Variants in HNMT observed in about 807,000 individuals in gnomAD.
The protein encoded by HNMT is histamine N-methyltransferase.
HNMT carries 30 observed loss-of-function variants against 32.1 expected under a neutral mutation model. That is an observed-to-expected ratio of 0.93 (90% CI 0.70 to 1.27). The LOEUF is 1.27. HNMT is among the 50% of genes most tolerant of loss of function. HNMT has a pLI of 0.00. For missense variants in HNMT, 327 were observed against 346.0 expected, an observed-to-expected ratio of 0.95 and a Z score of 0.43; for synonymous variants, 125 against 119.0, an observed-to-expected ratio of 1.05 and a Z score of -0.33.
intron 4 of HNMT, chr2:138,002,841 A>C: frequency 1.1e-6 from 1 of 891,860 alleles, no homozygotes; most frequent in Non-Finnish European, 1.3e-6. Flanking sequence ...GTTTGGGTGG[A>C]CCAATGTCCC....
intron 2 of HNMT, among the ~76,000 whole-genome samples, chr2:137,998,787 G>T (rs1253623744): frequency 6.6e-6 from 1 of 152,078 alleles, no homozygotes; most frequent in African/African-American, 2.4e-5. Flanking sequence ...AAGCCCTGAG[G>T]GGATATAATT....
At chr2:138,003,687 G>A (rs1681249868) in intron 4 of HNMT, among the ~76,000 whole-genome samples, 1 of 151,972 alleles carries the variant, frequency 6.6e-6, no homozygotes, top group Non-Finnish European at 1.5e-5. Context: ...TTCGTTCTGA[G>A]CCAATGACCT....
intron 5 of HNMT, among the ~76,000 whole-genome samples, 178 bp downstream of exon 5, chr2:138,005,403 T>G (rs1178373841): frequency 1.3e-5 from 2 of 152,086 alleles, no homozygotes; most frequent in Non-Finnish European, 2.9e-5. Context: ...CAGTTCTCAA[T>G]TTAGAAGGTA....
At chr2:137,968,346 A>C (rs566104384) in intron 1 of HNMT, among the ~76,000 whole-genome samples, 6 of 152,362 alleles carry the variant, frequency 3.9e-5, no homozygotes, top group African/African-American at 1.2e-4. Context: ...AGGAATTTCA[A>C]GGATTCAAAG....
chr2:138,000,131 G>C (rs1681115395), intron 2 of HNMT, among the ~76,000 whole-genome samples: 1 of 152,080 alleles, frequency 6.6e-6, no homozygotes, highest in Admixed American at 6.6e-5. Flanking sequence ...ACTGCTAGTA[G>C]TTCCAAATAT....
At chr2:137,996,895 A>G (rs766718007) in intron 2 of HNMT, among the ~76,000 whole-genome samples, 27 of 152,182 alleles carry the variant, frequency 1.8e-4, no homozygotes, top group Non-Finnish European at 3.7e-4. Context: ...GATCTTCAAC[A>G]AACCTGACAA....
chr2:138,005,227 T>G lies in HNMT; in HGVS notation c.523+2T>G, dbSNP rs780363792. On this transcript the variant is annotated splice_donor_variant, in intron 5 of 5. Transcript: ENST00000280097. LOFTEE classifies it high-confidence loss of function. ...AGATGCTCATTATTGTTGTGTCAGG[T>G]AAGTTATTTTCATTCAGCCTGAATT... 1 of 1,526,378 alleles carries G rather than the reference T, an allele frequency of 6.6e-7. No homozygotes were observed. Among genetic ancestry groups the G allele is most frequent in the Non-Finnish European group, 9.1e-7 (1 of 1,101,684 alleles). The allele number at this position is 1,526,378 out of a possible 1,614,324, so 94.6% of individuals were successfully genotyped here. A position where few individuals can be genotyped will look rare whatever the true frequency, so the allele number is the denominator to read the frequency against.
At chr2:137,992,104 C>T (rs1368229013) in intron 2 of HNMT, among the ~76,000 whole-genome samples, 1 of 152,172 alleles carries the variant, frequency 6.6e-6, no homozygotes, top group Non-Finnish European at 1.5e-5. Flanking sequence ...AGATCCCACT[C>T]GTGAACCCAC....
At chr2:137,979,964 C>T (rs1680437327) in intron 2 of HNMT, among the ~76,000 whole-genome samples, 2 of 152,070 alleles carry the variant, frequency 1.3e-5, no homozygotes, top group African/African-American at 2.4e-5. Context: ...ACAGCTGAAG[C>T]CCAAAGCACT....
At chr2:138,001,925 G>A in intron 3 of HNMT, 139 bp from the exon 4 acceptor site, 1 of 534,198 alleles carries the variant, frequency 1.9e-6, no homozygotes, top group Non-Finnish European at 3.1e-6. Context: ...TGAACTCTCT[G>A]GTCTCCCAGA....
Position 138,005,216 on chromosome 2 carries a change from G to A in HNMT, c.514G>A (p.Val172Ile), listed in dbSNP as rs758469686. The A allele has an allele frequency of 1.9e-6, 3 of 1,566,860 alleles. No homozygotes were observed. Among genetic ancestry groups the A allele is most frequent in the Non-Finnish European group, 1.8e-6 (2 of 1,138,458 alleles). The change falls in exon 5 of 6, where the codon GTT becomes ATT. Residue 172 changes from valine (V) to isoleucine (I), a missense_variant. Physicochemically the swap from Val to Ile is conservative, Grantham distance 29. Transcript: ENST00000280097. ...LGTNAKMLIIVVSGSSGWDKL... is the reference protein window; with the variant it reads ...LGTNAKMLIIIVSGSSGWDKL... ...TACCAATGCTAAGATGCTCATTATT[G>A]TTGTGTCAGGTAAGTTATTTTCATT...
intron 1 of HNMT, among the ~76,000 whole-genome samples, chr2:137,966,530 A>G (rs2104918600): frequency 6.6e-6 from 1 of 152,282 alleles, no homozygotes; most frequent in East Asian, 1.9e-4. Flanking sequence ...GCCTATGTAC[A>G]TATTCTTAAT....
intron 2 of HNMT, among the ~76,000 whole-genome samples, chr2:137,996,249 C>T (rs990240426): frequency 6.6e-6 from 1 of 152,184 alleles, no homozygotes; most frequent in South Asian, 2.1e-4. Context: ...TTGTAGACAA[C>T]ATGATTGTAT....
intron 5 of HNMT, 66 bp downstream of exon 5, chr2:138,005,291 G>A (rs1681298251): frequency 1.1e-6 from 1 of 870,904 alleles, no homozygotes; most frequent in South Asian, 1.4e-5. Context: ...GGATTCCTGT[G>A]TTTGAAAGAA....
At chr2:138,007,503 A>G (rs568037593) in intron 5 of HNMT, among the ~76,000 whole-genome samples, 2 of 152,100 alleles carry the variant, frequency 1.3e-5, no homozygotes, top group African/African-American at 4.8e-5. Flanking sequence ...TGTCATACTT[A>G]ACTCTTAAAG....
chr2:137,996,771 A>G (rs1681009952), intron 2 of HNMT, among the ~76,000 whole-genome samples: 1 of 152,260 alleles, frequency 6.6e-6, no homozygotes, highest in East Asian at 1.9e-4. Flanking sequence ...ACTTCAAACT[A>G]TACTAAAAGT....
chr2:137,969,066 C>T (rs1299449900), intron 1 of HNMT, among the ~76,000 whole-genome samples: 1 of 152,200 alleles, frequency 6.6e-6, no homozygotes, highest in Non-Finnish European at 1.5e-5. Flanking sequence ...TTACTAAAGA[C>T]ACTCGTATTG....
intron 1 of HNMT, among the ~76,000 whole-genome samples, chr2:137,968,778 C>T (rs1323635994): frequency 6.6e-6 from 1 of 152,136 alleles, no homozygotes; most frequent in Admixed American, 6.5e-5. Flanking sequence ...CTAGACTTTG[C>T]AAGATTCCTT....
Position 137,978,839 on chromosome 2 carries a change from AG to A in HNMT, c.190+8623del, listed in dbSNP as rs573835329. ...ATAATACTTTATAATTATGTAATATAGTATAATTATATAATTTAGTATTATA... is the reference window on the plus strand; with the variant it reads ...ATAATACTTTATAATTATGTAATATATATAATTATATAATTTAGTATTATA... On this transcript the variant is annotated intron_variant, in intron 2 of 5. Transcript: ENST00000280097. Among the ~76,000 whole-genome samples, 741 of 139,624 alleles carry A rather than the reference AG, an allele frequency of 5.3e-3. 6 individuals carry two copies. Among genetic ancestry groups the A allele is most frequent in the South Asian group, 0.041 (177 of 4,344 alleles). The allele number at this position is 139,624 out of a possible 152,430, so 91.6% of individuals were successfully genotyped here.
Sources: gnomAD v4.1 joint callset for allele counts (sites outside exome capture counted in the v4.1 genomes callset) on GRCh38, gnomAD v4.1.1 for gene constraint, MANE v1.5 for transcripts, NCBI Gene and HGNC (gene_info 2026-07-23, HGNC 2026-07-21) for gene names.